Variants in ARLN observed in about 807,000 individuals in gnomAD.
The protein encoded by ARLN is allregulin.
the ARLN span, chr4:119,300,707 C>T: frequency 2.6e-6 from 4 of 1,527,986 alleles, no homozygotes; most frequent in Non-Finnish European, 3.5e-6. Context: ...AGGCGCCTGG[C>T]TCGGCTTTCC....
chr4:119,300,355 A>G, the ARLN span: 1 of 1,610,168 alleles, frequency 6.2e-7, no homozygotes, highest in Non-Finnish European at 8.5e-7. Context: ...AAATACACAA[A>G]GAGAAACACC....
the ARLN span, chr4:119,300,495 AG>A: frequency 6.2e-7 from 1 of 1,614,052 alleles, no homozygotes; most frequent in East Asian, 2.2e-5. Flanking sequence ...CCGCTCCCGG[AG>A]ACCATCTCGA....
the ARLN span, chr4:119,300,738 C>T: frequency 3.3e-6 from 5 of 1,510,430 alleles, no homozygotes; most frequent in East Asian, 2.5e-5. Context: ...TGACCGCTGG[C>T]ATGAAGCGCG....
chr4:119,304,304 G>A, the ARLN span: 1 of 1,537,092 alleles, frequency 6.5e-7, no homozygotes, highest in Non-Finnish European at 8.7e-7. Context: ...TTTCTTCTTG[G>A]GGAGAGGGTT....
the ARLN span, among the ~76,000 whole-genome samples, chr4:119,301,848 C>T: frequency 1.3e-5 from 2 of 152,188 alleles, no homozygotes; most frequent in African/African-American, 4.8e-5. Context: ...AGCTTCCTAA[C>T]CTTGCTCCAA....
the ARLN span, among the ~76,000 whole-genome samples, chr4:119,300,155 G>A: frequency 6.6e-6 from 1 of 151,652 alleles, no homozygotes; most frequent in East Asian, 1.9e-4. Context: ...TCCCACGGAC[G>A]TGCTAAAGAA....
At chr4:119,299,352 TAGA>T in the ARLN span, among the ~76,000 whole-genome samples, 1 of 152,170 alleles carries the variant, frequency 6.6e-6, no homozygotes, top group Non-Finnish European at 1.5e-5. Flanking sequence ...GTTGGGGGTG[TAGA>T]AGAAGTGACT....
the ARLN span, chr4:119,304,158 T>A: frequency 1.1e-6 from 1 of 897,770 alleles, no homozygotes; most frequent in Non-Finnish European, 1.7e-6. Flanking sequence ...TACTCATCCT[T>A]CAGGGCCCCA....
chr4:119,299,232 G>GT, the ARLN span, among the ~76,000 whole-genome samples: 1 of 152,088 alleles, frequency 6.6e-6, no homozygotes, highest in Non-Finnish European at 1.5e-5. Flanking sequence ...GACTACAGGC[G>GT]TGAGCCACTG....
the ARLN span, chr4:119,304,161 G>T: frequency 1.1e-6 from 1 of 924,478 alleles, no homozygotes. Context: ...TCATCCTTCA[G>T]GGCCCCACTT....
At chr4:119,299,867 G>GGTCTGCTCATGGT in the ARLN span, among the ~76,000 whole-genome samples, 2 of 152,068 alleles carry the variant, frequency 1.3e-5, no homozygotes, top group African/African-American at 4.8e-5. Context: ...ACAGCTGCGT[G>GGTCTGCTCATGGT]GTCTGCTCAT....
At chr4:119,297,331 T>C in the ARLN span, 5 of 152,382 alleles carry the variant, frequency 3.3e-5, no homozygotes, top group South Asian at 8.3e-4. Context: ...TTATGCCCTG[T>C]TTAAAAGGCG....
the ARLN span, chr4:119,300,747 C>G: frequency 1.8e-5 from 27 of 1,501,462 alleles, no homozygotes; most frequent in Non-Finnish European, 2.2e-5. Context: ...GCATGAAGCG[C>G]GGCCTCCGCC....
At chr4:119,302,356 T>C in the ARLN span, among the ~76,000 whole-genome samples, 1 of 152,212 alleles carries the variant, frequency 6.6e-6, no homozygotes, top group Non-Finnish European at 1.5e-5. Context: ...TAAACTAAAT[T>C]CAGTTGAAAG....
chr4:119,304,197 T>A, the ARLN span: 1 of 1,392,532 alleles, frequency 7.2e-7, no homozygotes. Context: ...AAAATTTCCT[T>A]CACTACAATT....
At chr4:119,296,484 A>T in the ARLN span, 1 of 152,158 alleles carries the variant, frequency 6.6e-6, no homozygotes, top group Non-Finnish European at 1.5e-5. Flanking sequence ...AAGTCCCACA[A>T]TCTGCTTTCC....
At chr4:119,298,602 C>T in the ARLN span, 1 of 483,884 alleles carries the variant, frequency 2.1e-6, no homozygotes, top group South Asian at 4.3e-5. Flanking sequence ...TGGGTGAAAT[C>T]CTACCCAATT....
chr4:119,300,874 A>G, the ARLN span: 18 of 1,360,454 alleles, frequency 1.3e-5, no homozygotes, highest in Admixed American at 2.9e-5. Flanking sequence ...GGCCCAGTCC[A>G]GTCAGGTGAT....
chr4:119,303,065 ATG>A, the ARLN span, among the ~76,000 whole-genome samples: 2 of 152,134 alleles, frequency 1.3e-5, no homozygotes, highest in African/African-American at 4.8e-5. Context: ...CTGGAAATAT[ATG>A]TGTTTATCTT....
Sources: gnomAD v4.1 joint callset for allele counts (sites outside exome capture counted in the v4.1 genomes callset) on GRCh38, gnomAD v4.1.1 for gene constraint, MANE v1.5 for transcripts, NCBI Gene and HGNC (gene_info 2026-07-23, HGNC 2026-07-21) for gene names.